The following BAG4 variants were observed in gnomAD, a reference collection of about 807,000 sequenced individuals.
The protein encoded by BAG4 is BAG cochaperone 4.
In BAG4, 28 loss-of-function variants were observed where a neutral mutation model predicts 52.1. That is an observed-to-expected ratio of 0.54 (90% CI 0.40 to 0.74). The LOEUF (loss-of-function observed/expected upper bound fraction) is 0.74, where lower values mean the gene tolerates loss of function less well. Among genes scored for constraint, BAG4 ranks in the 30% least tolerant of loss-of-function variants. BAG4 has a pLI of 0.00. For synonymous variants in BAG4, 208 were observed against 217.0 expected, an observed-to-expected ratio of 0.96 and a Z score of 0.37; for missense variants, 525 against 572.0, an observed-to-expected ratio of 0.92 and a Z score of 0.84.
In BAG4 at chr8:38,211,668, A is replaced by C. The variant is rs1251171024; in HGVS notation, c.*1175A>C. 3.9e-5 allele frequency: 6 copies of C among 152,048 alleles called. No homozygotes were observed. The highest frequency in any genetic ancestry group is 7.4e-5 in the Non-Finnish European group (5 of 67,950). The allele number at this position is 152,048 out of a possible 1,614,324, so 9.4% of individuals were successfully genotyped here. A position where few individuals can be genotyped will look rare whatever the true frequency, so the allele number is the denominator to read the frequency against. On this transcript the variant is annotated 3_prime_UTR_variant, in exon 5 of 5. Transcript: ENST00000287322. Reference sequence around the variant, plus strand: ...TGGGAAATTATTATTTTCTTCATTTAAAGGTAGATTTTATGTTTATTTCCC... The same window carrying C: ...TGGGAAATTATTATTTTCTTCATTTCAAGGTAGATTTTATGTTTATTTCCC...
chr8:38,180,344 G>A (rs1187649992), intron 1 of BAG4, among the ~76,000 whole-genome samples: 2 of 151,462 alleles, frequency 1.3e-5, no homozygotes, highest in African/African-American at 2.4e-5. Flanking sequence ...TCAACATGGC[G>A]AAACCCCACC....
In BAG4 at chr8:38,210,955, T is replaced by G. The variant is rs1803858098; in HGVS notation, c.*462T>G. 1 of 153,998 alleles carries G rather than the reference T, an allele frequency of 6.5e-6. No homozygotes were observed. The highest frequency in any genetic ancestry group is 1.4e-5 in the Non-Finnish European group (1 of 69,088). The allele number at this position is 153,998 out of a possible 1,614,324, so 9.5% of individuals were successfully genotyped here. On this transcript the variant is annotated 3_prime_UTR_variant, in exon 5 of 5. Coordinates refer to ENST00000287322, the MANE Select transcript of BAG4 (RefSeq NM_004874.4). Reference sequence around the variant, plus strand: ...CTTCATGTGTAATTATAGCTTAGACTTTAGCCTTCTTGGACTTCTGTTTTG... The same window carrying G: ...CTTCATGTGTAATTATAGCTTAGACGTTAGCCTTCTTGGACTTCTGTTTTG...
At chr8:38,201,219 C>T (rs1803657109) in intron 2 of BAG4, among the ~76,000 whole-genome samples, 1 of 152,156 alleles carries the variant, frequency 6.6e-6, no homozygotes, top group South Asian at 2.1e-4. Flanking sequence ...TTTAAAATAA[C>T]CCAAAGGTGT....
At chr8:38,190,723 T>C (rs114471638) in intron 1 of BAG4, among the ~76,000 whole-genome samples, 2,728 of 150,876 alleles carry the variant, frequency 0.018, 71 homozygotes, top group African/African-American at 0.064. Flanking sequence ...GGATTACAGA[T>C]TGAGCCACTG....
At chr8:38,197,760 C>T (rs749856395) in intron 2 of BAG4, among the ~76,000 whole-genome samples, 14 of 152,124 alleles carry the variant, frequency 9.2e-5, no homozygotes, top group African/African-American at 2.4e-4. Context: ...GGTGCAGTGG[C>T]GTGATCTCGG....
At position 38,192,677 on chromosome 8, in the gene BAG4, T is replaced by G; in HGVS notation, c.271-11T>G. ...TTATTAAGAGTGAATTTATTTTTCTTTTTTTCTTAGGAGCAGCCACCATAT... is the reference window on the plus strand; with the variant it reads ...TTATTAAGAGTGAATTTATTTTTCTGTTTTTCTTAGGAGCAGCCACCATAT... On this transcript the variant is annotated splice_polypyrimidine_tract_variant and intron_variant, in intron 1 of 4. Coordinates refer to ENST00000287322, the MANE Select transcript of BAG4 (RefSeq NM_004874.4). 1 of 1,590,298 alleles carries G rather than the reference T, an allele frequency of 6.3e-7. No homozygotes were observed. Among genetic ancestry groups the G allele is most frequent in the Non-Finnish European group, 8.6e-7 (1 of 1,167,518 alleles).
At chr8:38,207,909 T>A (rs1803800024) in intron 3 of BAG4, 143 bp downstream of exon 3, 2 of 1,054,912 alleles carry the variant, frequency 1.9e-6, no homozygotes, top group East Asian at 5.2e-5. Context: ...CTTTCTTATT[T>A]GTGGCAGCTA....
At chr8:38,201,876 A>T (rs1286506409) in intron 2 of BAG4, 199 of 4,230 alleles carry the variant, frequency 0.047, 9 homozygotes, top group Non-Finnish European at 0.058. Flanking sequence ...ATATATATAT[A>T]TATATTTTTT....
chr8:38,181,926 G>A (rs1803281629), intron 1 of BAG4, among the ~76,000 whole-genome samples: 2 of 141,692 alleles, frequency 1.4e-5, no homozygotes, highest in African/African-American at 2.6e-5. Flanking sequence ...AGGAAGTAAG[G>A]GAAAAGAGTT....
chr8:38,176,882 A>G lies in BAG4; in HGVS notation c.13A>G (p.Arg5Gly). MSAL[R>G]RSGYGPSDGP... ...GGCAGCGGATCCCATGTCGGCCCTG[A>G]GGCGCTCGGGCTACGGCCCCAGTGA... Residue 5 changes from arginine (R) to glycine (G), a missense_variant, in exon 1 of 5, where the codon AGG becomes GGG. Arg to Gly is a moderately radical substitution (Grantham distance 125). Transcript: ENST00000287322. The G allele has an allele frequency of 6.5e-7, 1 of 1,539,672 alleles. No homozygotes were observed. Among genetic ancestry groups the G allele is most frequent in the Non-Finnish European group, 8.8e-7 (1 of 1,141,726 alleles).
chr8:38,204,549 T>A (rs568809866), intron 2 of BAG4, among the ~76,000 whole-genome samples: 4 of 151,890 alleles, frequency 2.6e-5, no homozygotes, highest in Non-Finnish European at 4.4e-5. Context: ...CCCAGCACTT[T>A]GGGAGGCTGA....
chr8:38,183,644 T>G (rs1265078509), intron 1 of BAG4, among the ~76,000 whole-genome samples: 1 of 152,208 alleles, frequency 6.6e-6, no homozygotes, highest in Non-Finnish European at 1.5e-5. Context: ...GAGTCCCTTT[T>G]TCTTGGCTTC....
intron 1 of BAG4, among the ~76,000 whole-genome samples, chr8:38,181,886 C>CAAAAAAAAAAAAAAAAA (rs34268146): frequency 2.7e-5 from 1 of 37,268 alleles, no homozygotes; most frequent in Non-Finnish European, 4.5e-5. Context: ...GAGACTATCT[C>CAAAAAAAAAAAAAAAAA]AAAAAAAAAA....
At position 38,209,138 on chromosome 8, in the gene BAG4, C is replaced by T. The variant is rs773399048; in HGVS notation, c.759C>T (p.Gly253=). ...WASPGAYGMG[G]RYPWPSSAPS... ...CTCCTGGTGCTTATGGAATGGGTGG[C>T]CGTTATCCCTGGCCTTCATCAGCGC... is the stretch of plus-strand genomic sequence containing the variant. The change falls in exon 4 of 5, where the codon GGC becomes GGT. Residue 253 remains glycine, a synonymous_variant. Transcript: ENST00000287322. The T allele has an allele frequency of 2.5e-6, 4 of 1,614,126 alleles. No homozygotes were observed. The highest frequency in any genetic ancestry group is 2.5e-6 in the Non-Finnish European group (3 of 1,180,034).
intron 1 of BAG4, among the ~76,000 whole-genome samples, chr8:38,187,976 G>T (rs1803392974): frequency 6.9e-6 from 1 of 145,212 alleles, no homozygotes; most frequent in African/African-American, 2.5e-5. Context: ...GGCGGAGCTT[G>T]CAGTGAGCCG....
intron 1 of BAG4, among the ~76,000 whole-genome samples, chr8:38,181,211 G>A (rs1328106925): frequency 6.7e-6 from 1 of 148,278 alleles, no homozygotes; most frequent in Non-Finnish European, 1.5e-5. Context: ...TTACAGGCGT[G>A]AGCCACCGCG....
intron 1 of BAG4, among the ~76,000 whole-genome samples, chr8:38,191,744 G>A (rs1803477186): frequency 8.3e-6 from 1 of 120,730 alleles, no homozygotes; most frequent in African/African-American, 3.1e-5. Context: ...TGGGCAACAA[G>A]AGCGAAACTC....
chr8:38,201,864 ATATATATATATATATATTTTTT>A lies in BAG4; in HGVS notation c.379-5646_379-5625del, dbSNP rs1563284070. 5.6e-3 allele frequency: 34 copies of A among 6,036 alleles called. 3 individuals carry two copies. Among genetic ancestry groups the A allele is most frequent in the Admixed American group, 0.018 (9 of 488 alleles). The allele number at this position is 6,036 out of a possible 1,614,324, so 0.4% of individuals were successfully genotyped here. A position where few individuals can be genotyped will look rare whatever the true frequency, so the allele number is the denominator to read the frequency against. On this transcript the variant is annotated intron_variant, in intron 2 of 4. Coordinates refer to ENST00000287322, the MANE Select transcript of BAG4 (RefSeq NM_004874.4). ...TATATATATATATATATATATATAT[ATATATATATATATATATTTTTT>A]TTTTTTTTTTTTTTTTTTTTTTTAA...
At chr8:38,182,880 G>A (rs1168327263) in intron 1 of BAG4, among the ~76,000 whole-genome samples, 1 of 151,666 alleles carries the variant, frequency 6.6e-6, no homozygotes, top group East Asian at 1.9e-4. Context: ...CTTCATTGAG[G>A]ACATTCTTTT....
Sources: allele counts gnomAD v4.1 joint callset (sites outside exome capture counted in the v4.1 genomes callset), GRCh38; gene constraint gnomAD v4.1.1; transcripts MANE v1.5; gene names NCBI Gene and HGNC (gene_info 2026-07-23, HGNC 2026-07-21).